The following EPHA6 variants were observed in gnomAD, a reference collection of about 807,000 sequenced individuals.
EPHA6 encodes the protein ephrin type-A receptor 6.
EPHA6 carries 50 observed loss-of-function variants against 112.0 expected under a neutral mutation model. The ratio of observed to expected loss-of-function variants is 0.45; its 90% confidence interval spans 0.36 to 0.56. The LOEUF (loss-of-function observed/expected upper bound fraction) is 0.56, where lower values mean the gene tolerates loss of function less well. EPHA6 is among the 20% of genes least tolerant of loss of function. The probability of loss-of-function intolerance (pLI) is 0.00; values close to 1 mark genes in which losing one functional copy is unlikely to be tolerated. For synonymous variants in EPHA6, 529 were observed against 490.7 expected (o/e 1.08, Z -1.03); for missense variants, 1,280 against 1,417.4 (o/e 0.90, Z 1.56).
At position 96,822,589 on chromosome 3, in the gene EPHA6, GGTT is replaced by G. The variant is rs371331993; in HGVS notation, c.385+7585_385+7587del. Among the ~76,000 whole-genome samples, 78 of 151,648 alleles carry G rather than the reference GGTT, an allele frequency of 5.1e-4. 2 individuals are homozygous for G. The East Asian group carries it at 0.014, about 27-fold the overall frequency. On this transcript the variant is annotated intron_variant, in intron 1 of 17. Transcript: ENST00000389672. ...ATGAAATAACATTGCCTTAGAAAAT[GGTT>G]GTTAAGGAGATAGAAATATTTAATT...
rs116815285 is a variant in EPHA6 at position 96,962,517 on chromosome 3, C to T, written c.451-24813C>T. Reference sequence around the variant, plus strand: ...TTCTAATACTAAACCCACTTTTAGACGGCCTAACTAGATAACATTCTGAGC... The same window carrying T: ...TTCTAATACTAAACCCACTTTTAGATGGCCTAACTAGATAACATTCTGAGC... On this transcript the variant is annotated intron_variant, in intron 2 of 17. Coordinates refer to ENST00000389672, the MANE Select transcript of EPHA6 (RefSeq NM_001080448.3). 4.7e-3 allele frequency among the ~76,000 whole-genome samples: 691 copies of T among 146,742 alleles called. 7 individuals carry two copies. The highest frequency in any genetic ancestry group is 0.016 in the African/African-American group (639 of 39,414).
intron 1 of EPHA6, among the ~76,000 whole-genome samples, chr3:96,844,598 T>C (rs1483014431): frequency 6.6e-6 from 1 of 151,980 alleles, no homozygotes; most frequent in African/African-American, 2.4e-5. Context: ...TATAGACGTG[T>C]AGCATGGTTT....
At chr3:97,431,706 G>T (rs1235695773) in intron 6 of EPHA6, among the ~76,000 whole-genome samples, 1 of 152,010 alleles carries the variant, frequency 6.6e-6, no homozygotes, top group Admixed American at 6.6e-5. Flanking sequence ...ATGCATCACA[G>T]CATTTTTCTT....
intron 5 of EPHA6, among the ~76,000 whole-genome samples, chr3:97,252,429 A>G (rs564925244): frequency 9.6e-4 from 146 of 152,038 alleles, no homozygotes; most frequent in Middle Eastern, 3.4e-3. Flanking sequence ...ACACACACAC[A>G]CGCGCGCGCA....
intron 3 of EPHA6, among the ~76,000 whole-genome samples, chr3:97,047,026 T>C (rs114513625): frequency 0.013 from 2,011 of 152,244 alleles, 44 homozygotes; most frequent in African/African-American, 0.044. Flanking sequence ...TCATCATAGA[T>C]AGTATATTCT....
intron 2 of EPHA6, among the ~76,000 whole-genome samples, chr3:96,985,980 C>T (rs1479653859): frequency 6.6e-6 from 1 of 152,054 alleles, no homozygotes; most frequent in Admixed American, 6.6e-5. Flanking sequence ...CAATAGAACC[C>T]TTATTCACTA....
chr3:97,464,891 A>T (rs1471611899), intron 7 of EPHA6, among the ~76,000 whole-genome samples: 1 of 152,100 alleles, frequency 6.6e-6, no homozygotes, highest in Non-Finnish European at 1.5e-5. Context: ...TTTCAATTTG[A>T]TAAAGTTGGT....
chr3:97,544,909 T>C (rs2092923115), intron 11 of EPHA6, among the ~76,000 whole-genome samples: 1 of 152,188 alleles, frequency 6.6e-6, no homozygotes, highest in Non-Finnish European at 1.5e-5. Context: ...CTGATGGTAG[T>C]TTGTATTTCT....
intron 3 of EPHA6, among the ~76,000 whole-genome samples, chr3:97,212,972 C>A (rs781062910): frequency 3.3e-5 from 5 of 152,114 alleles, no homozygotes; most frequent in Admixed American, 6.5e-5. Context: ...CTCTACATAA[C>A]CAGAAGTTTA....
At chr3:97,678,389 C>T (rs540344174) in intron 14 of EPHA6, among the ~76,000 whole-genome samples, 2 of 152,246 alleles carry the variant, frequency 1.3e-5, no homozygotes, top group South Asian at 2.1e-4. Context: ...AGTTGGAAGG[C>T]TCTCAGTTTT....
intron 2 of EPHA6, among the ~76,000 whole-genome samples, chr3:96,889,032 C>T (rs574442555): frequency 5.3e-5 from 8 of 152,032 alleles, no homozygotes; most frequent in South Asian, 2.1e-4. Flanking sequence ...TCCACAAATC[C>T]GGGGCAAAAT....
At chr3:97,594,979 G>C (rs2107359712) in intron 12 of EPHA6, among the ~76,000 whole-genome samples, 1 of 152,260 alleles carries the variant, frequency 6.6e-6, no homozygotes, top group Middle Eastern at 3.4e-3. Flanking sequence ...TGCTAATTTA[G>C]TTCTCAATTA....
In EPHA6 at chr3:97,720,274, C is replaced by T. The variant is rs1288733165; in HGVS notation, c.2798C>T (p.Pro933Leu). ...TTTGTTTTCCAGGGTGGAAAAATCC[C>T]CATAAGGTGGACAGCCCCAGAAGCC... ...AAYTTTGGKI[P>L]IRWTAPEAIA... Residue 933 changes from proline to leucine, a missense_variant, in exon 15 of 18, where the codon CCC becomes CTC. Physicochemically the swap from Pro to Leu is moderately conservative, Grantham distance 98. Coordinates refer to ENST00000389672, the MANE Select transcript of EPHA6 (RefSeq NM_001080448.3). 2 of 1,593,340 alleles carry T rather than the reference C, an allele frequency of 1.3e-6. No individual in the cohort carries two copies. The highest frequency in any genetic ancestry group is 1.7e-6 in the Non-Finnish European group (2 of 1,171,438).
At chr3:97,031,575 A>G (rs1479658639) in intron 3 of EPHA6, among the ~76,000 whole-genome samples, 1 of 152,180 alleles carries the variant, frequency 6.6e-6, no homozygotes, top group East Asian at 1.9e-4. Context: ...CCCAGAATCT[A>G]CAATGAACTC....
intron 5 of EPHA6, among the ~76,000 whole-genome samples, chr3:97,330,232 A>G (rs1009714547): frequency 3.3e-5 from 5 of 152,118 alleles, no homozygotes; most frequent in Non-Finnish European, 2.9e-5. Context: ...CTTGTAGTAG[A>G]GTTTGAAGTC....
intron 12 of EPHA6, among the ~76,000 whole-genome samples, chr3:97,607,628 A>C (rs1021278215): frequency 3.3e-5 from 5 of 151,106 alleles, no homozygotes; most frequent in Admixed American, 2.6e-4. Context: ...AATCAAATAC[A>C]TGAGACTTGA....
At chr3:97,286,997 C>T in intron 5 of EPHA6, among the ~76,000 whole-genome samples, 1 of 148,468 alleles carries the variant, frequency 6.7e-6, no homozygotes, top group Non-Finnish European at 1.5e-5. Context: ...TTTTATGCAG[C>T]TGTTAAAAAA....
At chr3:97,153,650 T>G (rs1576582478) in intron 3 of EPHA6, among the ~76,000 whole-genome samples, 1 of 152,094 alleles carries the variant, frequency 6.6e-6, no homozygotes, top group East Asian at 1.9e-4. Context: ...TCCTTAAAAC[T>G]TCTGGGAATA....
intron 4 of EPHA6, among the ~76,000 whole-genome samples, chr3:97,241,282 GT>G (rs1020134048): frequency 7.9e-5 from 12 of 151,882 alleles, no homozygotes; most frequent in African/African-American, 2.9e-4. Flanking sequence ...AAAACAGCTA[GT>G]TTCAAATCAG....
Sources: allele counts gnomAD v4.1 joint callset (sites outside exome capture counted in the v4.1 genomes callset), GRCh38; gene constraint gnomAD v4.1.1; transcripts MANE v1.5; gene names NCBI Gene and HGNC (gene_info 2026-07-23, HGNC 2026-07-21).